The following CFAP74 variants were observed in gnomAD, a reference collection of about 807,000 sequenced individuals.
CFAP74 encodes cilia and flagella associated protein 74, also known as cilia- and flagella-associated protein 74.
In CFAP74, 124 loss-of-function variants were observed where a neutral mutation model predicts 188.9. The ratio of observed to expected loss-of-function variants is 0.66; its 90% CI spans 0.57 to 0.76. The LOEUF is 0.76. Among genes scored for constraint, CFAP74 ranks in the 30% least tolerant of loss-of-function variants. The pLI is 0.00. For synonymous variants in CFAP74, 956 were observed against 916.7 expected (o/e 1.04, Z -0.77); for missense variants, 2,198 against 2,165.2 (o/e 1.02, Z -0.30).
At chr1:1,926,081 G>A in intron 32 of CFAP74, 143 bp from the exon 33 acceptor site, 3 of 1,404,216 alleles carry the variant, frequency 2.1e-6, no homozygotes, top group Non-Finnish European at 2.8e-6. Flanking sequence ...TTGGCGGCTG[G>A]TGTGAGGGCC....
rs1026488270 is a variant in CFAP74, at chr1:1,923,825, G to A, written c.4339C>T (p.His1447Tyr). 2 of 1,613,492 alleles carry A rather than the reference G, an allele frequency of 1.2e-6. No homozygotes were observed. Among genetic ancestry groups the A allele is most frequent in the East Asian group, 2.2e-5 (1 of 44,878 alleles). Reference sequence around the variant, plus strand: ...TTGTCGGAGAAGTAGAGGCTTTCGTGGTCGGGGCTGAAGGTGACAGTGAAG... The same window carrying A: ...TTGTCGGAGAAGTAGAGGCTTTCGTAGTCGGGGCTGAAGGTGACAGTGAAG... Reference protein sequence around the residue: ...QDFTVTFSPDHESLYFSDKLQ... With the variant: ...QDFTVTFSPDYESLYFSDKLQ... The change falls in exon 35 of 39, where the codon CAC becomes TAC. Residue 1447 changes from histidine (H) to tyrosine (Y), a missense_variant. By Grantham distance (83) the His-to-Tyr change is moderately conservative (BLOSUM62 2). Transcript: ENST00000682832. The surrounding 1 kb of genome is among the most constrained non-coding windows in gnomAD (Gnocchi z 6.3).
At chr1:1,972,192 T>C (rs1183507035) in intron 8 of CFAP74, 110 bp from the exon 9 acceptor site, 8 of 796,134 alleles carry the variant, frequency 1.0e-5, no homozygotes, top group African/African-American at 1.7e-5. Flanking sequence ...GTGATCCTCC[T>C]GTCTCAGCCT....
chr1:1,924,530 G>T lies in CFAP74; in HGVS notation c.4105-10C>A. 6.3e-7 allele frequency: 1 copy of T among 1,598,008 alleles called. No homozygotes were observed. The highest frequency in any genetic ancestry group is 1.1e-5 in the South Asian group (1 of 88,970). ...GAGAGTTGTTCTGCAGCTGCAGAGA[G>T]CAGGCCGCGGTCACTGCCCGCCAGC... On this transcript the variant is annotated splice_polypyrimidine_tract_variant and intron_variant, in intron 33 of 38. Transcript: ENST00000682832.
intron 22 of CFAP74, among the ~76,000 whole-genome samples, chr1:1,941,037 C>T (rs909284644): frequency 7.9e-5 from 12 of 152,016 alleles, no homozygotes; most frequent in Non-Finnish European, 1.3e-4. Flanking sequence ...GGCGTGAACC[C>T]GGGAGGCAGA....
intron 16 of CFAP74, among the ~76,000 whole-genome samples, chr1:1,957,049 C>T (rs1256726643): frequency 1.3e-5 from 2 of 152,224 alleles, no homozygotes; most frequent in African/African-American, 4.8e-5. Context: ...ACGCAGGGCC[C>T]GGATGCAGGG....
At chr1:1,938,074 C>T (rs1336164983) in intron 25 of CFAP74, among the ~76,000 whole-genome samples, 1 of 147,536 alleles carries the variant, frequency 6.8e-6, no homozygotes, top group Non-Finnish European at 1.5e-5. Context: ...ACACACCCAA[C>T]ACACACGCAC....
intron 17 of CFAP74, 59 bp downstream of exon 17, chr1:1,956,561 T>A (rs1654643619): frequency 6.2e-7 from 1 of 1,602,404 alleles, no homozygotes; most frequent in Non-Finnish European, 8.5e-7. Context: ...TTCACCCACA[T>A]GGGACTGGAT....
Position 1,926,710 on chromosome 1 carries a change from A to T in CFAP74, c.3714T>A (p.Ser1238=). ...LELWCPTVAP[S]VVVTSHKGKT... is the part of the protein sequence containing the mutation. ...TGCCTTTATGGGACGTCACCACAACAGATGGTGCCACCGTCGGGCACCACA... is the reference window on the plus strand; with the variant it reads ...TGCCTTTATGGGACGTCACCACAACTGATGGTGCCACCGTCGGGCACCACA... Residue 1238 remains serine, a synonymous_variant, in exon 30 of 39, where the codon TCT becomes TCA. Transcript: ENST00000682832. 1 of 1,550,104 alleles carries T rather than the reference A, an allele frequency of 6.5e-7. No homozygotes were observed. Among genetic ancestry groups the T allele is most frequent in the Non-Finnish European group, 8.7e-7 (1 of 1,146,828 alleles).
chr1:1,940,542 G>A (rs1168309179), intron 22 of CFAP74, 139 bp from the exon 23 acceptor site: 5 of 611,682 alleles, frequency 8.2e-6, no homozygotes, highest in East Asian at 3.1e-5. Flanking sequence ...GACGCATCGC[G>A]CCGCCCTCCT....
intron 4 of CFAP74, 103 bp downstream of exon 4, chr1:1,988,409 G>T: frequency 7.0e-7 from 1 of 1,419,248 alleles, no homozygotes; most frequent in Non-Finnish European, 9.7e-7. Context: ...TCCCTTGCAG[G>T]CCCTCAGGGT....
intron 17 of CFAP74, among the ~76,000 whole-genome samples, chr1:1,956,331 G>A (rs1654624041): frequency 1.3e-5 from 2 of 152,186 alleles, no homozygotes; most frequent in African/African-American, 2.4e-5. Flanking sequence ...GGGGGAGGCT[G>A]GGTCTCCTGG....
chr1:1,943,705 G>A (rs564210539), intron 21 of CFAP74, among the ~76,000 whole-genome samples: 6 of 152,344 alleles, frequency 3.9e-5, no homozygotes, highest in Admixed American at 1.3e-4. Context: ...CCGGGCCCAG[G>A]CGGGCAGTGC....
intron 19 of CFAP74, 34 bp from the exon 20 acceptor site, chr1:1,946,473 G>A (rs369078817): frequency 8.0e-6 from 12 of 1,501,640 alleles, no homozygotes; most frequent in Non-Finnish European, 9.8e-6. Flanking sequence ...GGTCTGCCAG[G>A]CTTCATGGCT....
intron 4 of CFAP74, among the ~76,000 whole-genome samples, chr1:1,987,806 C>T (rs1345891223): frequency 2.0e-5 from 3 of 152,168 alleles, no homozygotes; most frequent in African/African-American, 7.2e-5. Flanking sequence ...TCCCAAAGTG[C>T]TGGGATTACA....
At chr1:1,938,052 ACACT>A (rs995183518) in intron 25 of CFAP74, among the ~76,000 whole-genome samples, 4 of 103,204 alleles carry the variant, frequency 3.9e-5, no homozygotes, top group South Asian at 3.8e-4. Flanking sequence ...ACATGCACTC[ACACT>A]CAACCTTACA....
chr1:1,964,315 G>A (rs772999572), intron 13 of CFAP74, among the ~76,000 whole-genome samples: 2 of 152,222 alleles, frequency 1.3e-5, no homozygotes, highest in African/African-American at 2.4e-5. Flanking sequence ...CTGTCCCGAG[G>A]TTCAGGGGAC....
intron 27 of CFAP74, chr1:1,927,978 C>T (rs1002122249): frequency 3.4e-5 from 19 of 550,880 alleles, no homozygotes; most frequent in African/African-American, 3.2e-4. Context: ...AGAGGATAAA[C>T]CGAGGCACGG....
At position 1,973,562 on chromosome 1, in the gene CFAP74, C is replaced by G. The variant is rs955304134; in HGVS notation, c.674+463G>C. On this transcript the variant is annotated intron_variant, in intron 7 of 38. Transcript: ENST00000682832. This position sits in a 1 kb window ranked among gnomAD's most constrained non-coding sequence, Gnocchi z 6.2. Reference sequence around the variant, plus strand: ...GGGACTGGCCTAGTAGGTGGCCGGGCCCTGGCTGAGCAGGAGACTCATGAC... The same window carrying G: ...GGGACTGGCCTAGTAGGTGGCCGGGGCCTGGCTGAGCAGGAGACTCATGAC... 7.9e-5 allele frequency among the ~76,000 whole-genome samples: 12 copies of G among 151,990 alleles called. No homozygotes were observed. Among genetic ancestry groups the G allele is most frequent in the Non-Finnish European group, 1.3e-4 (9 of 67,992 alleles).
chr1:1,933,753 G>C (rs1309980580), intron 25 of CFAP74, among the ~76,000 whole-genome samples: 1 of 152,156 alleles, frequency 6.6e-6, no homozygotes, highest in Non-Finnish European at 1.5e-5. Context: ...GTTTTTCTCT[G>C]TTGAATATTG....
Sources: gnomAD v4.1 joint callset for allele counts (sites outside exome capture counted in the v4.1 genomes callset) on GRCh38, gnomAD v4.1.1 for gene constraint, Gnocchi (gnomAD v3.1) non-coding constraint, MANE v1.5 for transcripts, NCBI Gene and HGNC (gene_info 2026-07-23, HGNC 2026-07-21) for gene names.